LCTL: variants seen among roughly 807,000 people sequenced by gnomAD.
LCTL encodes lactase-like protein.
In LCTL, 76 loss-of-function variants were observed where a neutral mutation model predicts 75.8. The observed-to-expected ratio is 1.00, with a 90% CI of 0.83 to 1.21. The LOEUF is 1.21. Ranked by LOEUF, LCTL falls within the 50% of genes most tolerant of loss-of-function variation. LCTL has a pLI of 0.00. For missense variants in LCTL, 670 were observed against 712.4 expected, an observed-to-expected ratio of 0.94 and a Z score of 0.68; for synonymous variants, 271 against 268.8, an observed-to-expected ratio of 1.01 and a Z score of -0.08.
chr15:66,561,912 G>A (rs1393028423), intron 4 of LCTL, among the ~76,000 whole-genome samples: 1 of 151,974 alleles, frequency 6.6e-6, no homozygotes, highest in African/African-American at 2.4e-5. Flanking sequence ...CGAGGCCTTC[G>A]AGGTCTTCCC....
At chr15:66,553,423 A>G (rs947245713) in intron 8 of LCTL, among the ~76,000 whole-genome samples, 165 bp from the exon 10 acceptor site, 4 of 152,238 alleles carry the variant, frequency 2.6e-5, no homozygotes, top group African/African-American at 7.2e-5. Flanking sequence ...TGAAATTTCA[A>G]TACTGTCCAA....
Position 66,553,251 on chromosome 15 carries a change from CTT to C in LCTL, c.928_929del (p.Lys310GlufsTer23). 1 of 1,551,038 alleles carries C rather than the reference CTT, an allele frequency of 6.4e-7. No individual in the cohort carries two copies. Among genetic ancestry groups the C allele is most frequent in the Non-Finnish European group, 8.7e-7 (1 of 1,151,460 alleles). On this transcript the variant is annotated frameshift_variant, in exon 9 of 13. Coordinates refer to ENST00000341509, the Ensembl canonical transcript of LCTL. LOFTEE classifies it high-confidence loss of function. The stretch of plus-strand genomic sequence containing the variant: ...ACATCTCCAGGCCTTGCTCTGCACT[CTT>C]TCTTCCTTTTGAGAGAGAAAAGTAG...
chr15:66,554,741 T>C (rs946928433), intron 8 of LCTL, among the ~76,000 whole-genome samples: 5 of 152,196 alleles, frequency 3.3e-5, no homozygotes, highest in Admixed American at 6.5e-5. Context: ...TACAACACTA[T>C]GCAGCCTTTA....
At chr15:66,564,232 G>C (rs891268375) in intron 2 of LCTL, 1 of 565,346 alleles carries the variant, frequency 1.8e-6, no homozygotes, top group Non-Finnish European at 3.2e-6. Context: ...GTCCATCAGG[G>C]TGCCCCTAGT....
intron 8 of LCTL, among the ~76,000 whole-genome samples, chr15:66,555,662 A>G (rs974212505): frequency 1.3e-5 from 2 of 152,354 alleles, no homozygotes; most frequent in South Asian, 4.1e-4. Flanking sequence ...TAGGCAAAAG[A>G]AGCAAACATA....
chr15:66,548,531 T>G, exon 13 of LCTL: 2 of 1,613,264 alleles, frequency 1.2e-6, no homozygotes, highest in Non-Finnish European at 1.7e-6. Context: ...AGAACAGCAG[T>G]GATGAGGACA....
chr15:66,555,907 A>C (rs1269782923), intron 8 of LCTL, among the ~76,000 whole-genome samples: 1 of 152,226 alleles, frequency 6.6e-6, no homozygotes, highest in Non-Finnish European at 1.5e-5. Flanking sequence ...AGCACATGAA[A>C]AGATGCTCTT....
At chr15:66,563,845 C>T in intron 3 of LCTL, 66 bp downstream of exon 4, 14 of 1,263,476 alleles carry the variant, frequency 1.1e-5, no homozygotes, top group Non-Finnish European at 1.6e-5. Flanking sequence ...CTCTGTGGTG[C>T]CCCTGCAAAG....
Position 66,563,928 on chromosome 15 carries a change from A to G in LCTL, c.353T>C (p.Leu118Pro), listed in dbSNP as rs200836437. Residue 118 changes from leucine (L) to proline (P), a missense_variant, in exon 3 of 13, where the codon CTG becomes CCG. Coordinates refer to ENST00000341509, the Ensembl canonical transcript of LCTL. ...TAGCTCACCTCGGATGCCTGTGGGC[A>G]GGAGCCGGGGCCAAGACAGGGAGAA... 44 of 1,614,006 alleles carry G rather than the reference A, an allele frequency of 2.7e-5. No homozygotes were observed. The highest frequency in any genetic ancestry group is 1.5e-4 in the Admixed American group (9 of 60,014).
Position 66,562,259 on chromosome 15 carries a change from C to T in LCTL, c.481-944G>A, listed in dbSNP as rs899531290. ...CTTTACTAAAAATACAAAAATTAGC[C>T]GGGCGTGGTGGCACATGCCTGTAAT... is the stretch of plus-strand genomic sequence containing the variant. On this transcript the variant is annotated intron_variant, in intron 4 of 12. Transcript: ENST00000341509. Among the ~76,000 whole-genome samples, 4 of 151,998 alleles carry T rather than the reference C, an allele frequency of 2.6e-5. No individual in the cohort carries two copies. In the South Asian group the frequency reaches 6.2e-4, roughly 24 times the overall value.
At chr15:66,549,975 T>A in intron 12 of LCTL, 66 bp downstream of exon 13, 1 of 1,091,604 alleles carries the variant, frequency 9.2e-7, no homozygotes, top group Non-Finnish European at 1.3e-6. Context: ...TTTGAGATTT[T>A]GAAAATGATA....
chr15:66,565,506 G>A, upstream of LCTL: 1 of 595,640 alleles, frequency 1.7e-6, no homozygotes, highest in Admixed American at 3.5e-5. Flanking sequence ...TCTGCACCCA[G>A]CAGCAGAGGC....
chr15:66,551,106 T>G (rs1055367147), intron 11 of LCTL, among the ~76,000 whole-genome samples: 30 of 151,924 alleles, frequency 2.0e-4, no homozygotes, highest in Non-Finnish European at 4.1e-4. Flanking sequence ...CCCAGCACTT[T>G]AGGAGGCTGA....
chr15:66,556,017 A>T (rs1344789968), intron 8 of LCTL, among the ~76,000 whole-genome samples: 1 of 152,198 alleles, frequency 6.6e-6, no homozygotes, highest in Admixed American at 6.5e-5. Context: ...GTTGGCAAGG[A>T]TGTGGAGTAA....
exon 6 of LCTL, chr15:66,561,096 C>T: frequency 1.2e-6 from 2 of 1,614,190 alleles, no homozygotes; most frequent in Non-Finnish European, 1.7e-6. Context: ...CTTTTTCTGC[C>T]ATTGCCTATA....
Position 66,557,847 on chromosome 15 carries a change from T to TC in LCTL, c.796dup (p.Glu266GlyfsTer6). On this transcript the variant is annotated frameshift_variant, in exon 8 of 13. Coordinates refer to ENST00000341509, the Ensembl canonical transcript of LCTL. LOFTEE classifies it high-confidence loss of function. ...CTTGGGGTTACTAATGTCCACAGGT[T>TC]CCCCCCAGTCACAGTTCAATGAAAT... 1 of 1,613,852 alleles carries TC rather than the reference T, an allele frequency of 6.2e-7. No individual in the cohort carries two copies. The highest frequency in any genetic ancestry group is 8.5e-7 in the Non-Finnish European group (1 of 1,179,962).
intron 6 of LCTL, 57 bp downstream of exon 7, chr15:66,560,949 C>G: frequency 6.5e-7 from 1 of 1,538,230 alleles, no homozygotes; most frequent in African/African-American, 1.4e-5. Context: ...GCTAGAGCCC[C>G]TGGGGCAGGC....
At chr15:66,550,092 A>G in exon 12 of LCTL, 1 of 1,602,272 alleles carries the variant, frequency 6.2e-7, no homozygotes, top group South Asian at 1.1e-5. Flanking sequence ...GCTTTGAGGT[A>G]CCAACTTTCC....
Position 66,562,927 on chromosome 15 carries a change from T to C in LCTL, c.480+589A>G, listed in dbSNP as rs144785482. On this transcript the variant is annotated intron_variant, in intron 4 of 12. Coordinates refer to ENST00000341509, the Ensembl canonical transcript of LCTL. ...GACATATCTTTATAGTTTTTAAAAT[T>C]TGTTTTTATGCCAAGTTTTTTAGAA... Among the ~76,000 whole-genome samples the C allele has an allele frequency of 6.8e-3, 1,030 of 152,328 alleles. 3 individuals carry two copies. Among genetic ancestry groups the C allele is most frequent in the Middle Eastern group, 0.027 (8 of 294 alleles).
Sources: allele counts gnomAD v4.1 joint callset (sites outside exome capture counted in the v4.1 genomes callset), GRCh38; gene constraint gnomAD v4.1.1; transcripts MANE v1.5; gene names NCBI Gene and HGNC (gene_info 2026-07-23, HGNC 2026-07-21).